DDB1: variants seen among roughly 807,000 people sequenced by gnomAD.
The protein encoded by DDB1 is damage specific DNA binding protein 1, also known as DNA damage-binding protein 1.
Under a neutral mutation model 133.1 loss-of-function variants are expected in DDB1, and 18 were observed. The ratio of observed to expected loss-of-function variants is 0.14; its 90% CI spans 0.09 to 0.20. The LOEUF (loss-of-function observed/expected upper bound fraction) is 0.20, where lower values mean the gene tolerates loss of function less well. Among genes scored for constraint, DDB1 ranks in the 10% least tolerant of loss-of-function variants. DDB1 has a pLI of 1.00. For synonymous variants in DDB1, 580 were observed against 550.5 expected (o/e 1.05, Z -0.75); for missense variants, 828 against 1,459.2 (o/e 0.57, Z 7.05).
chr11:61,303,004 T>TC lies in DDB1; in HGVS notation c.2942+41dup, dbSNP rs751132257. Reference sequence around the variant, plus strand: ...TTGCATCCACCAGAGACCAAGGAACTCCCAGCCCTCCCCACCACTCCCAGA... The same window carrying TC: ...TTGCATCCACCAGAGACCAAGGAACTCCCCAGCCCTCCCCACCACTCCCAGA... On this transcript the variant is annotated intron_variant, in intron 23 of 26. Coordinates refer to ENST00000301764, the MANE Select transcript of DDB1 (RefSeq NM_001923.5). The TC allele has an allele frequency of 1.4e-5, 22 of 1,569,460 alleles. No homozygotes were observed. The African/African-American group carries it at 3.0e-4, about 21-fold the overall frequency.
At chr11:61,307,880 A>G (rs954134822) in intron 21 of DDB1, among the ~76,000 whole-genome samples, 1 of 151,476 alleles carries the variant, frequency 6.6e-6, no homozygotes, top group African/African-American at 2.4e-5. Flanking sequence ...CTTCAATCCT[A>G]CCCTCATAAC....
rs1371943370 is a variant in DDB1 at position 61,299,803 on chromosome 11, A to G, written c.*333T>C. The G allele has an allele frequency of 1.7e-5, 7 of 416,480 alleles. No individual in the cohort carries two copies. The highest frequency in any genetic ancestry group is 1.3e-4 in the South Asian group (6 of 45,192). 25.8% of individuals were successfully genotyped at this position (416,480 alleles called of 1,614,324 possible). ...CACATACACACACACACATACACAC[A>G]CACACACGCACAGCTTCCTTTCAGC... is the stretch of plus-strand genomic sequence containing the variant. On this transcript the variant is annotated 3_prime_UTR_variant, in exon 27 of 27. Transcript: ENST00000301764.
At position 61,329,838 on chromosome 11, in the gene DDB1, T is replaced by C. The variant is rs28720260; in HGVS notation, c.327+120A>G. On this transcript the variant is annotated intron_variant, in intron 3 of 26. Transcript: ENST00000301764. ...CCTTTCTCCAAAAAGCTCAAACCCA[T>C]AGTGTCTTCTCCTTATTTCTCTGAT... 4.6e-3 allele frequency: 4,189 copies of C among 913,580 alleles called. 79 individuals are homozygous for C. Among genetic ancestry groups the C allele is most frequent in the African/African-American group, 0.036 (2,162 of 60,478 alleles). The allele number at this position is 913,580 out of a possible 1,614,324, so 56.6% of individuals were successfully genotyped here.
chr11:61,318,274 C>T (rs1268541573), intron 10 of DDB1, among the ~76,000 whole-genome samples: 1 of 152,178 alleles, frequency 6.6e-6, no homozygotes, highest in African/African-American at 2.4e-5. Flanking sequence ...TACAATGCCA[C>T]AAGAAATAAG....
In DDB1 at chr11:61,302,531, G is replaced by GT. The variant is rs762637849; in HGVS notation, c.3112+50dup. 1.9e-6 allele frequency: 3 copies of GT among 1,608,218 alleles called. No homozygotes were observed. In the South Asian group the frequency reaches 3.3e-5, roughly 18 times the overall value. Reference sequence around the variant, plus strand: ...CTCTCCCCAGTCCCTCAGAATGCTGGTATCAGGAAGGAGGCCTGTGTGGGG... The same window carrying GT: ...CTCTCCCCAGTCCCTCAGAATGCTGGTTATCAGGAAGGAGGCCTGTGTGGGG... On this transcript the variant is annotated intron_variant, in intron 24 of 26. Coordinates refer to ENST00000301764, the MANE Select transcript of DDB1 (RefSeq NM_001923.5).
intron 26 of DDB1, 31 bp from the exon 27 acceptor site, chr11:61,300,250 G>T: frequency 6.2e-7 from 1 of 1,603,502 alleles, no homozygotes; most frequent in South Asian, 1.1e-5. Flanking sequence ...GGGCTGTGAG[G>T]ACCAAGAGGG....
At chr11:61,329,255 C>G in intron 4 of DDB1, 108 bp downstream of exon 4, 1 of 1,016,764 alleles carries the variant, frequency 9.8e-7, no homozygotes, top group African/African-American at 1.6e-5. Context: ...AGGACAAACA[C>G]ATTAAACACT....
intron 2 of DDB1, 47 bp from the exon 3 acceptor site, chr11:61,330,121 G>A: frequency 6.7e-7 from 1 of 1,492,020 alleles, no homozygotes; most frequent in African/African-American, 1.4e-5. Flanking sequence ...TTTAAAACAG[G>A]AACAACCTGT....
rs764543006 is a variant in DDB1, at chr11:61,329,558, G to T, written c.354C>A (p.Thr118=). 1.2e-6 allele frequency: 2 copies of T among 1,613,552 alleles called. No homozygotes were observed. The highest frequency in any genetic ancestry group is 8.5e-7 in the Non-Finnish European group (1 of 1,179,786). Residue 118 remains threonine (T), a synonymous_variant, in exon 4 of 27, where the codon ACC becomes ACA. Transcript: ENST00000301764. ...VQDRIGRPSE[T]GIIGIIDPEC... is the part of the protein sequence containing the mutation. ...CAGGGTCAATGATGCCAATAATGCCGGTCTCTGAGGGGCGGCCAATGCGGT... is the reference window on the plus strand; with the variant it reads ...CAGGGTCAATGATGCCAATAATGCCTGTCTCTGAGGGGCGGCCAATGCGGT...
At chr11:61,306,375 G>A (rs1855883580) in intron 21 of DDB1, among the ~76,000 whole-genome samples, 2 of 151,994 alleles carry the variant, frequency 1.3e-5, no homozygotes, top group African/African-American at 4.8e-5. Flanking sequence ...TTTCAGACTT[G>A]TCACTCCCTC....
Position 61,311,979 on chromosome 11 carries a change from T to G in DDB1, c.2165+10A>C, listed in dbSNP as rs769504067. The G allele has an allele frequency of 6.2e-7, 1 of 1,614,134 alleles. No individual in the cohort carries two copies. The highest frequency in any genetic ancestry group is 8.5e-7 in the Non-Finnish European group (1 of 1,179,974). On this transcript the variant is annotated intron_variant, in intron 17 of 26. Transcript: ENST00000301764. ...ACCCCCACTTCCCACTCTCCCACCC[T>G]GGGCCTCACCTTGGAGACTCATAGA...
At chr11:61,321,550 G>C in intron 10 of DDB1, 45 bp downstream of exon 10, 1 of 1,581,144 alleles carries the variant, frequency 6.3e-7, no homozygotes, top group Non-Finnish European at 8.7e-7. Flanking sequence ...CAAGGCCAAA[G>C]TCCCTCATGT....
At chr11:61,316,946 G>T (rs12422075) in intron 10 of DDB1, among the ~76,000 whole-genome samples, 2,535 of 28,632 alleles carry the variant, frequency 0.089, 325 homozygotes, top group African/African-American at 0.22. Flanking sequence ...AAAAAGGATA[G>T]ATATATATAT....
Position 61,303,187 on chromosome 11 carries a change from T to C in DDB1, c.2833-32A>G, listed in dbSNP as rs761610896. Reference sequence around the variant, plus strand: ...ACAGACAAGGTGAAAGAAGAAAGCATAATCAGCAGTTTGCACGGAATCCAG... The same window carrying C: ...ACAGACAAGGTGAAAGAAGAAAGCACAATCAGCAGTTTGCACGGAATCCAG... On this transcript the variant is annotated intron_variant, in intron 22 of 26. Transcript: ENST00000301764. The C allele has an allele frequency of 8.8e-6, 14 of 1,597,558 alleles. No homozygotes were observed. The South Asian group carries it at 1.5e-4, about 18-fold the overall frequency.
intron 10 of DDB1, 115 bp downstream of exon 10, chr11:61,321,476 ACTTT>A: frequency 2.6e-6 from 2 of 765,816 alleles, no homozygotes; most frequent in Non-Finnish European, 4.5e-6. Context: ...TGTTGTTACG[ACTTT>A]CACTCTTCAC....
chr11:61,310,258 G>A (rs1855942543), intron 19 of DDB1, 37 bp downstream of exon 19: 1 of 1,589,960 alleles, frequency 6.3e-7, no homozygotes, highest in Non-Finnish European at 8.6e-7. Flanking sequence ...GATTAGGGAG[G>A]GCGTAGATAA....
In DDB1 at chr11:61,299,701, A is replaced by C. The variant is rs1265928148; in HGVS notation, c.*435T>G. On this transcript the variant is annotated 3_prime_UTR_variant, in exon 27 of 27. Transcript: ENST00000301764. Reference sequence around the variant, plus strand: ...ACTTCACAGACAATGAAACCCTCCTAACCCTCTTCCCCACTACCCACAACT... The same window carrying C: ...ACTTCACAGACAATGAAACCCTCCTCACCCTCTTCCCCACTACCCACAACT... 3.5e-5 allele frequency: 7 copies of C among 201,578 alleles called. No individual in the cohort carries two copies. Among genetic ancestry groups the C allele is most frequent in the Admixed American group, 3.2e-4 (6 of 18,930 alleles). The allele number at this position is 201,578 out of a possible 1,614,324, so 12.5% of individuals were successfully genotyped here. A position where few individuals can be genotyped will look rare whatever the true frequency, so the allele number is the denominator to read the frequency against.
intron 26 of DDB1, 58 bp from the exon 27 acceptor site, chr11:61,300,277 G>A: frequency 1.9e-6 from 3 of 1,554,608 alleles, no homozygotes; most frequent in Non-Finnish European, 1.8e-6. Context: ...CCCACAGGTG[G>A]GGAAGGGAAT....
At chr11:61,332,871 CCT>C in intron 1 of DDB1, 35 bp downstream of exon 1, 1 of 1,454,034 alleles carries the variant, frequency 6.9e-7, no homozygotes, top group Non-Finnish European at 9.2e-7. Context: ...CCCCCAACTC[CCT>C]CACTCGCCGG....
Sources: gnomAD v4.1 joint callset for allele counts (sites outside exome capture counted in the v4.1 genomes callset) on GRCh38, gnomAD v4.1.1 for gene constraint, MANE v1.5 for transcripts, NCBI Gene and HGNC (gene_info 2026-07-23, HGNC 2026-07-21) for gene names.